The following TXNL4B variants were observed in gnomAD, a reference collection of about 807,000 sequenced individuals.
TXNL4B encodes thioredoxin-like protein 4B.
In TXNL4B, 12 loss-of-function variants were observed where a neutral mutation model predicts 13.0. That is an observed-to-expected ratio of 0.92 (90% CI 0.59 to 1.49). The LOEUF (loss-of-function observed/expected upper bound fraction) is 1.49, where lower values mean the gene tolerates loss of function less well. Among genes scored for constraint, TXNL4B ranks in the 40% most tolerant of loss-of-function variants. The probability of loss-of-function intolerance (pLI) is 0.00; values close to 1 mark genes in which losing one functional copy is unlikely to be tolerated. For missense variants in TXNL4B, 214 were observed against 173.6 expected (o/e 1.23, Z -1.31); for synonymous variants, 59 against 58.9 (o/e 1.00, Z -0.01).
intron 2 of TXNL4B, among the ~76,000 whole-genome samples, chr16:72,089,742 T>C (rs997533114): frequency 1.3e-5 from 2 of 152,254 alleles, no homozygotes; most frequent in African/African-American, 4.8e-5. Context: ...CAGACACTTA[T>C]ATAACATTAC....
intron 2 of TXNL4B, among the ~76,000 whole-genome samples, chr16:72,089,374 G>C (rs2041868982): frequency 2.6e-5 from 4 of 152,138 alleles, no homozygotes; most frequent in Admixed American, 2.6e-4. Context: ...AGGGACCTTG[G>C]GGAAAACTGT....
chr16:72,087,589 G>A (rs1231424248), intron 3 of TXNL4B: 1 of 152,052 alleles, frequency 6.6e-6, no homozygotes, highest in African/African-American at 2.4e-5. Flanking sequence ...ATAAAAGGTT[G>A]TACCAAATTA....
At chr16:72,090,936 T>A (rs2041895439) in intron 1 of TXNL4B, 150 bp from the exon 2 acceptor site, 5 of 651,170 alleles carry the variant, frequency 7.7e-6, no homozygotes, top group Admixed American at 3.4e-5. Flanking sequence ...CCTCTCTTTG[T>A]CCCTGCTCCT....
At chr16:72,092,072 T>C (rs1160551124) in intron 1 of TXNL4B, among the ~76,000 whole-genome samples, 1 of 152,232 alleles carries the variant, frequency 6.6e-6, no homozygotes, top group African/African-American at 2.4e-5. Context: ...GTTCCAAATA[T>C]GAAAAGGGAG....
At chr16:72,092,978 G>C (rs2041937701) in intron 1 of TXNL4B, among the ~76,000 whole-genome samples, 1 of 152,100 alleles carries the variant, frequency 6.6e-6, no homozygotes, top group African/African-American at 2.4e-5. Flanking sequence ...CATACTCTTT[G>C]ACCAATAACT....
intron 3 of TXNL4B, among the ~76,000 whole-genome samples, chr16:72,087,127 C>T (rs1014306710): frequency 2.0e-5 from 3 of 152,144 alleles, no homozygotes; most frequent in Admixed American, 6.5e-5. Flanking sequence ...ATTGTTTCTT[C>T]GTTTGCTGTT....
chr16:72,090,320 T>C (rs7192730), intron 2 of TXNL4B: 199,210 of 472,076 alleles, frequency 0.42, 45,407 homozygotes, highest in African/African-American at 0.71. Flanking sequence ...TATCCCACTA[T>C]TGCGAGCACT....
chr16:72,086,572 A>C lies in TXNL4B; in HGVS notation c.*65T>G. On this transcript the variant is annotated 3_prime_UTR_variant, in exon 4 of 4. Transcript: ENST00000268483. ...TTCCAAAGGACTCCAGAAACACAGCACAGCTGGATTCAGGTACTGTGTCAA... is the reference window on the plus strand; with the variant it reads ...TTCCAAAGGACTCCAGAAACACAGCCCAGCTGGATTCAGGTACTGTGTCAA... 1 of 1,463,348 alleles carries C rather than the reference A, an allele frequency of 6.8e-7. No homozygotes were observed. Among genetic ancestry groups the C allele is most frequent in the Non-Finnish European group, 9.4e-7 (1 of 1,058,430 alleles). 90.6% of individuals were successfully genotyped at this position (1,463,348 alleles called of 1,614,324 possible). A position where few individuals can be genotyped will look rare whatever the true frequency, so the allele number is the denominator to read the frequency against.
chr16:72,092,604 A>G (rs1176535153), intron 1 of TXNL4B, among the ~76,000 whole-genome samples: 1 of 152,200 alleles, frequency 6.6e-6, no homozygotes, highest in Non-Finnish European at 1.5e-5. Flanking sequence ...CTAGAATTCA[A>G]ACAAACAGCA....
intron 3 of TXNL4B, among the ~76,000 whole-genome samples, chr16:72,087,653 GT>G (rs11351939): frequency 0.47 from 70,725 of 150,062 alleles, 18,369 homozygotes; most frequent in African/African-American, 0.71. Context: ...ATACTTTTGT[GT>G]TTTTTTTTTG....
chr16:72,085,707 TAAA>T lies in TXNL4B; in HGVS notation c.*927_*929del, dbSNP rs1239028516. 6.6e-6 allele frequency: 1 copy of T among 152,038 alleles called. No individual in the cohort carries two copies. The highest frequency in any genetic ancestry group is 1.9e-4 in the East Asian group (1 of 5,188). 9.4% of individuals were successfully genotyped at this position (152,038 alleles called of 1,614,324 possible). ...ACTTTCCATATTAAATTTTATAACA[TAAA>T]AAATAATTAAATGGGGTGCGCGCGG... On this transcript the variant is annotated 3_prime_UTR_variant, in exon 4 of 4. Transcript: ENST00000268483.
chr16:72,090,291 T>C (rs1462444199), intron 2 of TXNL4B: 2 of 465,086 alleles, frequency 4.3e-6, no homozygotes, highest in Non-Finnish European at 8.5e-6. Flanking sequence ...TTTTTCCTAC[T>C]GGGAAATGGG....
upstream of TXNL4B, chr16:72,094,140 C>T (rs1411235615): frequency 2.0e-5 from 3 of 152,734 alleles, no homozygotes; most frequent in African/African-American, 7.2e-5. Context: ...CAGGTCCGGG[C>T]CCCAGTTTGG....
chr16:72,090,888 GA>G (rs2041894781), intron 1 of TXNL4B, 102 bp from the exon 2 acceptor site: 1 of 919,134 alleles, frequency 1.1e-6, no homozygotes, highest in East Asian at 2.6e-5. Context: ...CACATGGTAT[GA>G]AAGAAACATC....
intron 2 of TXNL4B, among the ~76,000 whole-genome samples, chr16:72,089,868 A>G (rs1248828429): frequency 6.6e-6 from 1 of 152,218 alleles, no homozygotes; most frequent in Non-Finnish European, 1.5e-5. Context: ...ACTGAGGCAC[A>G]GGAAGGTAAA....
intron 2 of TXNL4B, among the ~76,000 whole-genome samples, chr16:72,089,521 A>G (rs544082392): frequency 6.6e-6 from 1 of 152,294 alleles, no homozygotes; most frequent in South Asian, 2.1e-4. Context: ...TACTGCTGCC[A>G]TCCCGTGTTA....
chr16:72,090,080 A>C (rs183834403), intron 2 of TXNL4B: 1 of 456,056 alleles, frequency 2.2e-6, no homozygotes, highest in African/African-American at 2.0e-5. Context: ...TTGTACGCTC[A>C]GCTCTTACAC....
rs2041862142 is a variant in TXNL4B, at chr16:72,088,943, G to A, written c.284+44C>T. The A allele has an allele frequency of 3.9e-6, 6 of 1,524,028 alleles. No homozygotes were observed. In the African/African-American group the frequency reaches 6.8e-5, roughly 17 times the overall value. 94.4% of individuals were successfully genotyped at this position (1,524,028 alleles called of 1,614,324 possible). A position where few individuals can be genotyped will look rare whatever the true frequency, so the allele number is the denominator to read the frequency against. On this transcript the variant is annotated intron_variant, in intron 3 of 3. Transcript: ENST00000268483. ...CAAGCTACTGAAAATGCTTACCAAG[G>A]AAACTTACAAGGTTGCAATTAACTT...
At chr16:72,087,020 G>A (rs2041833095) in intron 3 of TXNL4B, among the ~76,000 whole-genome samples, 1 of 152,202 alleles carries the variant, frequency 6.6e-6, no homozygotes, top group Non-Finnish European at 1.5e-5. Flanking sequence ...GCTCTGTCAT[G>A]TGCAAAGCTT....
Sources: gnomAD v4.1 joint callset for allele counts (sites outside exome capture counted in the v4.1 genomes callset) on GRCh38, gnomAD v4.1.1 for gene constraint, MANE v1.5 for transcripts, NCBI Gene and HGNC (gene_info 2026-07-23, HGNC 2026-07-21) for gene names.